DISC1: variants seen among roughly 807,000 people sequenced by gnomAD.
DISC1 encodes DISC1 scaffold protein.
A neutral mutation model predicts 84.5 loss-of-function variants in DISC1; 57 were observed. That is an observed-to-expected ratio of 0.67 (90% CI 0.55 to 0.84). DISC1 has a LOEUF of 0.84. Ranked by LOEUF, DISC1 falls within the 40% of genes least tolerant of loss-of-function variation. The pLI is 0.00. For missense variants in DISC1, 1,000 were observed against 1,057.8 expected (o/e 0.95, Z 0.76); for synonymous variants, 411 against 415.2 (o/e 0.99, Z 0.12).
At chr1:231,846,599 G>A (rs537935716) in intron 9 of DISC1, among the ~76,000 whole-genome samples, 18 of 152,274 alleles carry the variant, frequency 1.2e-4, no homozygotes, top group African/African-American at 4.3e-4. Flanking sequence ...AGACACTCAC[G>A]GTGCAGGGAC....
At chr1:231,721,357 C>T (rs1042195464) in intron 3 of DISC1, among the ~76,000 whole-genome samples, 2 of 152,114 alleles carry the variant, frequency 1.3e-5, no homozygotes, top group Admixed American at 6.5e-5. Flanking sequence ...TAAAAATACT[C>T]TCTGGAAAGT....
chr1:231,920,585 G>A (rs920218009), intron 9 of DISC1, among the ~76,000 whole-genome samples: 5 of 152,084 alleles, frequency 3.3e-5, no homozygotes, highest in East Asian at 1.9e-4. Flanking sequence ...GTGTTGCAGC[G>A]CATGTCAGAA....
chr1:231,830,222 A>G (rs796999645), intron 9 of DISC1, among the ~76,000 whole-genome samples: 23 of 152,186 alleles, frequency 1.5e-4, no homozygotes, highest in Non-Finnish European at 2.8e-4. Flanking sequence ...TTAGGGCGGC[A>G]TGGGAACCTA....
rs150013036 is a variant in DISC1 at position 231,650,128 on chromosome 1, C to G, written c.67+23194C>G. ...TTATGATGTTAGCTGGTTATTTTAC[C>G]TGTTAGTTGATGCAGTTTCTTCCTA... On this transcript the variant is annotated intron_variant, in intron 1 of 12. Transcript: ENST00000439617. 5.5e-3 allele frequency among the ~76,000 whole-genome samples: 838 copies of G among 152,134 alleles called. 2 individuals carry two copies. Among genetic ancestry groups the G allele is most frequent in the South Asian group, 0.017 (80 of 4,812 alleles).
At chr1:231,882,795 C>G (rs2086389354) in intron 9 of DISC1, among the ~76,000 whole-genome samples, 1 of 152,032 alleles carries the variant, frequency 6.6e-6, no homozygotes, top group African/African-American at 2.4e-5. Context: ...GTTTCCTTAT[C>G]TAGGTGTGAA....
At chr1:231,640,120 A>T (rs183218093) in intron 1 of DISC1, among the ~76,000 whole-genome samples, 1 of 152,254 alleles carries the variant, frequency 6.6e-6, no homozygotes, top group Admixed American at 6.5e-5. Flanking sequence ...TTCTCAGAGA[A>T]TTTTGGATTT....
chr1:231,837,526 G>A (rs1483259494), intron 9 of DISC1, among the ~76,000 whole-genome samples: 3 of 152,126 alleles, frequency 2.0e-5, no homozygotes, highest in African/African-American at 7.2e-5. Flanking sequence ...ACATGATGAG[G>A]TCCCCAAAGC....
At chr1:231,702,319 G>A in intron 3 of DISC1, 1 of 1,115,468 alleles carries the variant, frequency 9.0e-7, no homozygotes, top group Non-Finnish European at 1.1e-6. Context: ...ATGGTGTGAT[G>A]TATCTATAAT....
chr1:231,920,961 C>T lies in DISC1; in HGVS notation c.1982-37867C>T, dbSNP rs1431326171. 4.8e-5 allele frequency among the ~76,000 whole-genome samples: 7 copies of T among 145,040 alleles called. No homozygotes were observed. The East Asian group carries it at 1.5e-3, about 30-fold the overall frequency. On this transcript the variant is annotated intron_variant, in intron 9 of 12. Transcript: ENST00000439617. ...TTACTCTGTCACCCAGGCTGGAGTGCAGTGGCGTGATCTCGGCTCACTGCA... is the reference window on the plus strand; with the variant it reads ...TTACTCTGTCACCCAGGCTGGAGTGTAGTGGCGTGATCTCGGCTCACTGCA...
intron 1 of DISC1, among the ~76,000 whole-genome samples, chr1:231,635,577 C>T (rs2059125203): frequency 6.6e-6 from 1 of 152,170 alleles, no homozygotes; most frequent in South Asian, 2.1e-4. Flanking sequence ...CTCCTTACTC[C>T]CTCATCTATG....
In DISC1 at chr1:231,645,428, A is replaced by C. The variant is rs144531097; in HGVS notation, c.67+18494A>C. ...CCCTCTCCTCGCCTCCCAAATGATA[A>C]TATCCAGCTTTCAAGGTCTGCCTGA... On this transcript the variant is annotated intron_variant, in intron 1 of 12. Transcript: ENST00000439617. Among the ~76,000 whole-genome samples the C allele has an allele frequency of 2.8e-3, 428 of 151,864 alleles. 7 individuals are homozygous for C. The highest frequency in any genetic ancestry group is 9.3e-3 in the East Asian group (48 of 5,156).
chr1:231,822,528 A>T (rs1481797704), intron 9 of DISC1, among the ~76,000 whole-genome samples: 2 of 152,200 alleles, frequency 1.3e-5, no homozygotes, highest in East Asian at 3.9e-4. Flanking sequence ...GTTTGGGATT[A>T]GGACCTTTTG....
chr1:231,749,891 CT>C, intron 3 of DISC1, 34 bp from the exon 4 acceptor site: 2 of 1,614,004 alleles, frequency 1.2e-6, no homozygotes, highest in Non-Finnish European at 1.7e-6. Flanking sequence ...TTTCATGGTT[CT>C]TTTTTCCTCT....
At chr1:231,980,772 A>G (rs1236127309) in intron 10 of DISC1, among the ~76,000 whole-genome samples, 1 of 152,166 alleles carries the variant, frequency 6.6e-6, no homozygotes, top group African/African-American at 2.4e-5. Context: ...GACTGACACC[A>G]TTTAGCTAAA....
chr1:231,671,301 T>A (rs78855106), intron 1 of DISC1, among the ~76,000 whole-genome samples: 4 of 152,154 alleles, frequency 2.6e-5, no homozygotes, highest in African/African-American at 9.7e-5. Context: ...TCATTATTTT[T>A]TTTTTACCTT....
intron 9 of DISC1, among the ~76,000 whole-genome samples, chr1:231,902,945 G>A (rs985327951): frequency 6.6e-6 from 1 of 152,086 alleles, no homozygotes; most frequent in East Asian, 1.9e-4. Context: ...ACATATCATA[G>A]CAATCTCTGT....
At chr1:231,730,467 G>A (rs1055619956) in intron 3 of DISC1, among the ~76,000 whole-genome samples, 3 of 152,072 alleles carry the variant, frequency 2.0e-5, no homozygotes, top group South Asian at 2.1e-4. Flanking sequence ...ATGTTGTGCA[G>A]GTTTGTGACA....
intron 9 of DISC1, among the ~76,000 whole-genome samples, chr1:231,948,228 G>T (rs900283956): frequency 6.6e-6 from 1 of 152,102 alleles, no homozygotes; most frequent in East Asian, 1.9e-4. Context: ...ATAATAGACT[G>T]GATAAAGAAA....
At chr1:231,776,646 A>ATCACACCT (rs1356452720) in intron 6 of DISC1, among the ~76,000 whole-genome samples, 6 of 152,240 alleles carry the variant, frequency 3.9e-5, no homozygotes, top group African/African-American at 1.4e-4. Flanking sequence ...AGGCATCCTC[A>ATCACACCT]TCACACCTGT....
Sources: allele counts gnomAD v4.1 joint callset (sites outside exome capture counted in the v4.1 genomes callset), GRCh38; gene constraint gnomAD v4.1.1; transcripts MANE v1.5; gene names NCBI Gene and HGNC (gene_info 2026-07-23, HGNC 2026-07-21).